CALN1: variants seen among roughly 807,000 people sequenced by gnomAD.
CALN1 encodes calneuron 1.
In CALN1, 17 loss-of-function variants were observed where a neutral mutation model predicts 30.6. The observed-to-expected ratio is 0.56, with a 90% confidence interval of 0.38 to 0.83. The LOEUF is 0.83. Ranked by LOEUF, CALN1 falls within the 40% of genes least tolerant of loss-of-function variation. The pLI is 0.00. For missense variants in CALN1, 291 were observed against 354.9 expected, an observed-to-expected ratio of 0.82 and a Z score of 1.45; for synonymous variants, 156 against 131.4, an observed-to-expected ratio of 1.19 and a Z score of -1.28.
chr7:72,242,624 A>G (rs557892290), intron 3 of CALN1, among the ~76,000 whole-genome samples: 19 of 152,352 alleles, frequency 1.2e-4, no homozygotes, highest in African/African-American at 4.6e-4. Context: ...GCAGTGGCTC[A>G]AACATGTAAT....
chr7:72,057,930 G>A (rs941427918), intron 4 of CALN1, among the ~76,000 whole-genome samples: 20 of 152,192 alleles, frequency 1.3e-4, no homozygotes, highest in Admixed American at 6.5e-4. Context: ...TCTGGCAAGC[G>A]AATACTGCAG....
chr7:71,906,902 A>G (rs1166990172), intron 5 of CALN1, among the ~76,000 whole-genome samples: 1 of 152,192 alleles, frequency 6.6e-6, no homozygotes. Flanking sequence ...TCAAAAACAA[A>G]AAGGCTGCAT....
intron 5 of CALN1, among the ~76,000 whole-genome samples, chr7:71,837,242 A>AC (rs1789669324): frequency 2.3e-5 from 2 of 87,174 alleles, no homozygotes; most frequent in African/African-American, 4.2e-5. Flanking sequence ...AAAAAAAAAG[A>AC]CAAAAAAAAA....
chr7:71,901,267 T>C (rs942447018), intron 5 of CALN1, among the ~76,000 whole-genome samples: 1 of 152,102 alleles, frequency 6.6e-6, no homozygotes, highest in Non-Finnish European at 1.5e-5. Context: ...TTAGATAACA[T>C]GAACAAATAG....
intron 3 of CALN1, among the ~76,000 whole-genome samples, chr7:72,194,160 C>T (rs1221401659): frequency 2.0e-5 from 3 of 152,200 alleles, no homozygotes; most frequent in Admixed American, 1.3e-4. Context: ...TTATGCAGTC[C>T]ATCCCTAACT....
chr7:71,863,128 T>C (rs531762836), intron 5 of CALN1, among the ~76,000 whole-genome samples: 6 of 151,230 alleles, frequency 4.0e-5, no homozygotes, highest in Non-Finnish European at 5.9e-5. Context: ...GGCATAGTGG[T>C]AAACACCTGT....
chr7:71,953,387 T>C (rs1796794306), intron 5 of CALN1, among the ~76,000 whole-genome samples: 2 of 152,138 alleles, frequency 1.3e-5, no homozygotes, highest in Admixed American at 1.3e-4. Context: ...CAACACACAC[T>C]TGTGGTAGAA....
the CALN1 span, among the ~76,000 whole-genome samples, chr7:72,501,783 C>T: frequency 6.7e-6 from 1 of 149,688 alleles, no homozygotes; most frequent in Non-Finnish European, 1.5e-5. Context: ...GTGGTGGGCG[C>T]CTGTAGTCCC....
intron 2 of CALN1, among the ~76,000 whole-genome samples, chr7:72,364,537 AT>A (rs1803767549): frequency 6.6e-6 from 1 of 152,234 alleles, no homozygotes. Flanking sequence ...TTTAACTAAT[AT>A]AGCACAAATT....
intron 4 of CALN1, among the ~76,000 whole-genome samples, chr7:72,059,768 T>A (rs963044400): frequency 6.6e-6 from 1 of 152,088 alleles, no homozygotes; most frequent in Non-Finnish European, 1.5e-5. Flanking sequence ...ACCTCATTTA[T>A]GATGAAACAT....
At chr7:72,175,630 G>A (rs895015047) in intron 3 of CALN1, among the ~76,000 whole-genome samples, 5 of 152,192 alleles carry the variant, frequency 3.3e-5, no homozygotes, top group Admixed American at 6.5e-5. Flanking sequence ...TGGCTGCCAC[G>A]CTGGAGAGGG....
intron 4 of CALN1, among the ~76,000 whole-genome samples, chr7:72,077,635 G>GC (rs1170844011): frequency 6.6e-6 from 1 of 152,044 alleles, no homozygotes; most frequent in Non-Finnish European, 1.5e-5. Flanking sequence ...AAGGAGTCTT[G>GC]TTTTCCCTGG....
intron 2 of CALN1, among the ~76,000 whole-genome samples, chr7:72,357,005 T>G (rs1803274832): frequency 6.6e-6 from 1 of 151,948 alleles, no homozygotes. Context: ...AAGTGGAGAC[T>G]TCCAGGAAAC....
At chr7:72,499,591 A>G in the CALN1 span, among the ~76,000 whole-genome samples, 2 of 152,108 alleles carry the variant, frequency 1.3e-5, no homozygotes, top group Non-Finnish European at 2.9e-5. Context: ...ACTGACTCAC[A>G]TGCAGACTCA....
At chr7:72,040,325 A>T (rs1425902116) in intron 4 of CALN1, among the ~76,000 whole-genome samples, 2 of 75,626 alleles carry the variant, frequency 2.6e-5, no homozygotes, top group Non-Finnish European at 6.2e-5. Context: ...AATTACAATA[A>T]AAAAAAAAAA....
At chr7:71,821,774 C>A (rs927712818) in intron 5 of CALN1, among the ~76,000 whole-genome samples, 4 of 149,382 alleles carry the variant, frequency 2.7e-5, no homozygotes, top group African/African-American at 5.0e-5. Flanking sequence ...GTGAATTCTG[C>A]TAAATGTTTC....
intron 5 of CALN1, among the ~76,000 whole-genome samples, chr7:71,907,204 T>C (rs971291809): frequency 1.3e-5 from 2 of 151,438 alleles, no homozygotes; most frequent in African/African-American, 4.9e-5. Context: ...TGCAAATTGC[T>C]AAATCAATTT....
At chr7:72,261,490 T>A (rs536956063) in intron 3 of CALN1, among the ~76,000 whole-genome samples, 1 of 151,834 alleles carries the variant, frequency 6.6e-6, no homozygotes, top group East Asian at 1.9e-4. Context: ...TGGAGTGCGA[T>A]CATAGCTCAC....
intron 5 of CALN1, among the ~76,000 whole-genome samples, chr7:71,915,904 T>G (rs1276382258): frequency 6.6e-6 from 1 of 152,142 alleles, no homozygotes; most frequent in Non-Finnish European, 1.5e-5. Context: ...CCACTGTCGC[T>G]GCAAATCTGC....
Sources: allele counts gnomAD v4.1 joint callset (sites outside exome capture counted in the v4.1 genomes callset), GRCh38; gene constraint gnomAD v4.1.1; transcripts MANE v1.5; gene names NCBI Gene and HGNC (gene_info 2026-07-23, HGNC 2026-07-21).